The following CTNNBL1 variants were observed in gnomAD, a reference collection of about 807,000 sequenced individuals.
The protein encoded by CTNNBL1 is catenin beta like 1.
A neutral mutation model predicts 72.7 loss-of-function variants in CTNNBL1; 31 were observed. The ratio of observed to expected loss-of-function variants is 0.43; its 90% confidence interval spans 0.32 to 0.58. CTNNBL1 has a LOEUF of 0.58. CTNNBL1 is among the 20% of genes least tolerant of loss of function. The pLI is 0.08. For synonymous variants in CTNNBL1, 240 were observed against 267.3 expected (o/e 0.90, Z 1.00); for missense variants, 534 against 725.1 (o/e 0.74, Z 3.03).
At chr20:37,837,128 C>T (rs768089515) in intron 11 of CTNNBL1, among the ~76,000 whole-genome samples, 13 of 152,188 alleles carry the variant, frequency 8.5e-5, no homozygotes, top group Admixed American at 1.3e-4. Flanking sequence ...AACCTTTTCT[C>T]GTTGGCATAC....
intron 11 of CTNNBL1, among the ~76,000 whole-genome samples, chr20:37,824,162 A>G (rs958639747): frequency 6.6e-6 from 1 of 152,272 alleles, no homozygotes; most frequent in Non-Finnish European, 1.5e-5. Flanking sequence ...TATCTTCATT[A>G]GAGGACTCGG....
At chr20:37,848,635 G>A (rs2072367959) in intron 13 of CTNNBL1, among the ~76,000 whole-genome samples, 1 of 152,110 alleles carries the variant, frequency 6.6e-6, no homozygotes, top group South Asian at 2.1e-4. Flanking sequence ...CTCCCTGCCT[G>A]CCCCCTTGCC....
At chr20:37,854,551 ATATTATTAT>A (rs139266490) in intron 13 of CTNNBL1, among the ~76,000 whole-genome samples, 4,955 of 129,202 alleles carry the variant, frequency 0.038, 170 homozygotes, top group East Asian at 0.09. Context: ...CTGCCTCTCA[ATATTATTAT>A]TATTATTATT....
chr20:37,826,937 C>A (rs1396526770), intron 11 of CTNNBL1, among the ~76,000 whole-genome samples: 1 of 152,166 alleles, frequency 6.6e-6, no homozygotes, highest in Non-Finnish European at 1.5e-5. Flanking sequence ...AAATACAAAC[C>A]ATGTTAAGAT....
chr20:37,797,644 C>G (rs1198385250), intron 10 of CTNNBL1, among the ~76,000 whole-genome samples: 1 of 152,138 alleles, frequency 6.6e-6, no homozygotes. Flanking sequence ...TCAATCAGAA[C>G]TCAACCCTTC....
chr20:37,829,255 C>T (rs762307357), intron 11 of CTNNBL1, among the ~76,000 whole-genome samples: 16 of 152,182 alleles, frequency 1.1e-4, no homozygotes, highest in Non-Finnish European at 1.9e-4. Flanking sequence ...ACAAAGGCAG[C>T]TCTGTAGCAT....
At chr20:37,773,282 T>A (rs1363805090) in intron 7 of CTNNBL1, among the ~76,000 whole-genome samples, 2 of 152,244 alleles carry the variant, frequency 1.3e-5, no homozygotes, top group Non-Finnish European at 2.9e-5. Context: ...CTGCCCCATG[T>A]GTTCCAGGTA....
At chr20:37,829,735 C>T (rs994008608) in intron 11 of CTNNBL1, among the ~76,000 whole-genome samples, 13 of 152,164 alleles carry the variant, frequency 8.5e-5, no homozygotes. Context: ...TCTGATGCTA[C>T]CTTTCCTACC....
intron 5 of CTNNBL1, among the ~76,000 whole-genome samples, chr20:37,762,323 A>G (rs1411174199): frequency 6.6e-6 from 1 of 152,218 alleles, no homozygotes; most frequent in Non-Finnish European, 1.5e-5. Flanking sequence ...CTCATTCTTG[A>G]GAAAGCTTAT....
chr20:37,743,584 T>C (rs1209322947), intron 3 of CTNNBL1, among the ~76,000 whole-genome samples: 2 of 152,160 alleles, frequency 1.3e-5, no homozygotes, highest in Non-Finnish European at 2.9e-5. Flanking sequence ...TAAAACATAC[T>C]ATAAAGCTAT....
At chr20:37,748,185 C>G (rs2073284921) in intron 4 of CTNNBL1, among the ~76,000 whole-genome samples, 1 of 152,176 alleles carries the variant, frequency 6.6e-6, no homozygotes, top group Non-Finnish European at 1.5e-5. Flanking sequence ...TTCTGGTAAT[C>G]TCTCTCCTGA....
At chr20:37,832,783 G>A (rs981376350) in intron 11 of CTNNBL1, among the ~76,000 whole-genome samples, 3 of 102,700 alleles carry the variant, frequency 2.9e-5, no homozygotes, top group African/African-American at 1.2e-4. Context: ...CTGGAATGTG[G>A]ACCATACTTT....
intron 10 of CTNNBL1, among the ~76,000 whole-genome samples, chr20:37,784,223 T>G (rs994016161): frequency 3.3e-5 from 5 of 152,206 alleles, no homozygotes; most frequent in African/African-American, 1.2e-4. Flanking sequence ...TCCTTTTATT[T>G]TCAGCCTATA....
At chr20:37,705,120 A>G (rs2072874372) in intron 1 of CTNNBL1, among the ~76,000 whole-genome samples, 2 of 152,246 alleles carry the variant, frequency 1.3e-5, no homozygotes, top group South Asian at 2.1e-4. Flanking sequence ...CTTAATGTTT[A>G]GCTTAGTGCA....
chr20:37,759,326 A>G (rs1446008247), intron 5 of CTNNBL1, among the ~76,000 whole-genome samples: 2 of 152,138 alleles, frequency 1.3e-5, no homozygotes, highest in East Asian at 1.9e-4. Flanking sequence ...GGTTAATTAC[A>G]TGGCCCTGAA....
At chr20:37,736,896 A>G (rs1399466626) in intron 2 of CTNNBL1, among the ~76,000 whole-genome samples, 1 of 152,160 alleles carries the variant, frequency 6.6e-6, no homozygotes, top group Non-Finnish European at 1.5e-5. Context: ...ATGTGATTAC[A>G]GGCCCTTACT....
chr20:37,722,473 AAAATAAATAAATAAAT>A (rs60211876), intron 1 of CTNNBL1, among the ~76,000 whole-genome samples: 1,707 of 142,256 alleles, frequency 0.012, 33 homozygotes, highest in African/African-American at 0.038. Flanking sequence ...GGCTCCGTCT[AAAATAAATAAATAAAT>A]AAATAAATAA....
At chr20:37,819,043 C>T (rs1438713662) in intron 11 of CTNNBL1, among the ~76,000 whole-genome samples, 1 of 152,096 alleles carries the variant, frequency 6.6e-6, no homozygotes, top group Admixed American at 6.5e-5. Context: ...GCGTCATTTC[C>T]AATACTGCAG....
intron 1 of CTNNBL1, among the ~76,000 whole-genome samples, chr20:37,707,607 A>G (rs141215522): frequency 7.2e-5 from 11 of 152,376 alleles, no homozygotes; most frequent in East Asian, 5.8e-4. Context: ...TCTTCTGTCC[A>G]GAGCACTAAG....
Sources: gnomAD v4.1 joint callset for allele counts (sites outside exome capture counted in the v4.1 genomes callset) on GRCh38, gnomAD v4.1.1 for gene constraint, MANE v1.5 for transcripts, NCBI Gene and HGNC (gene_info 2026-07-23, HGNC 2026-07-21) for gene names.